The following DRD4 variants were observed in gnomAD, a reference collection of about 807,000 sequenced individuals.
The protein encoded by DRD4 is D(4) dopamine receptor.
In DRD4, 26 loss-of-function variants were observed where a neutral mutation model predicts 22.1. The ratio of observed to expected loss-of-function variants is 1.17; its 90% confidence interval spans 0.86 to 1.63. DRD4 has a LOEUF of 1.63. DRD4 is among the 40% of genes most tolerant of loss of function. The pLI is 0.00. For synonymous variants in DRD4, 455 were observed against 306.7 expected, an observed-to-expected ratio of 1.48 and a Z score of -5.05; for missense variants, 913 against 632.4, an observed-to-expected ratio of 1.44 and a Z score of -4.76.
At position 637,280 on chromosome 11, in the gene DRD4, T is replaced by G; in HGVS notation, c.-25T>G. 2 of 1,176,090 alleles carry G rather than the reference T, an allele frequency of 1.7e-6. No homozygotes were observed. Among genetic ancestry groups the G allele is most frequent in the Non-Finnish European group, 1.0e-6 (1 of 953,394 alleles). 72.9% of individuals were successfully genotyped at this position (1,176,090 alleles called of 1,614,324 possible). The stretch of plus-strand genomic sequence containing the variant: ...GCTTGCGACCCGGCGTTGTCCGCGG[T>G]GCTCAGCGCCCGCCCGGGCGCGCCA... On this transcript the variant is annotated 5_prime_UTR_variant, in exon 1 of 4. Coordinates refer to ENST00000176183, the MANE Select transcript of DRD4 (RefSeq NM_000797.4).
At chr11:638,716 C>T (rs1337587319) in intron 1 of DRD4, among the ~76,000 whole-genome samples, 1 of 152,102 alleles carries the variant, frequency 6.6e-6, no homozygotes, top group African/African-American at 2.4e-5. Context: ...CTGCCTACCC[C>T]AGGCTGGGGA....
rs559464313 is a variant in DRD4 at position 638,633 on chromosome 11, A to G, written c.286-800A>G. On this transcript the variant is annotated intron_variant, in intron 1 of 3. Coordinates refer to ENST00000176183, the MANE Select transcript of DRD4 (RefSeq NM_000797.4). ...ACAGATGAAGAAACAGAAATGAATT[A>G]ACGTGCCCGAGTCTCCCACAGAGAA... is the stretch of plus-strand genomic sequence containing the variant. Among the ~76,000 whole-genome samples the G allele has an allele frequency of 2.5e-3, 379 of 152,284 alleles. 1 individual carries two copies. Among genetic ancestry groups the G allele is most frequent in the Non-Finnish European group, 4.3e-3 (290 of 68,016 alleles).
At chr11:638,781 C>G (rs998430561) in intron 1 of DRD4, among the ~76,000 whole-genome samples, 3 of 152,156 alleles carry the variant, frequency 2.0e-5, no homozygotes, top group African/African-American at 7.2e-5. Context: ...ATTCCCCAGG[C>G]CGTTCTCATG....
In DRD4 at chr11:640,096, C is replaced by G; in HGVS notation, c.847C>G (p.Pro283Ala). 9.0e-7 allele frequency: 1 copy of G among 1,111,232 alleles called. No homozygotes were observed. The highest frequency in any genetic ancestry group is 3.2e-4 in the Middle Eastern group (1 of 3,120). The allele number at this position is 1,111,232 out of a possible 1,614,324, so 68.8% of individuals were successfully genotyped here. ...PCGPDCAPAA[P>A]SLPQDPCGPD... ...CGGCCCCGACTGTGCGCCCGCCGCGCCCAGCCTCCCCCAGGACCCCTGCGG... is the reference window on the plus strand; with the variant it reads ...CGGCCCCGACTGTGCGCCCGCCGCGGCCAGCCTCCCCCAGGACCCCTGCGG... The change falls in exon 3 of 4, where the codon CCC becomes GCC. Residue 283 changes from proline to alanine, a missense_variant. Physicochemically the swap from Pro to Ala is conservative, Grantham distance 27. Coordinates refer to ENST00000176183, the MANE Select transcript of DRD4 (RefSeq NM_000797.4).
At chr11:637,973 CT>C (rs1263404062) in intron 1 of DRD4, among the ~76,000 whole-genome samples, 12 of 106,750 alleles carry the variant, frequency 1.1e-4, no homozygotes, top group African/African-American at 4.3e-4. Flanking sequence ...GCTCAGCCCC[CT>C]GGCTGCCGTG....
rs778863894 is a variant in DRD4, at chr11:639,503, G to A, written c.356G>A (p.Cys119Tyr). ...DALMAMDVML[C>Y]TASIFNLCAI... ...CTCATGGCCATGGACGTCATGCTGTGCACCGCCTCCATCTTCAACCTGTGC... is the reference window on the plus strand; with the variant it reads ...CTCATGGCCATGGACGTCATGCTGTACACCGCCTCCATCTTCAACCTGTGC... Residue 119 changes from cysteine (C) to tyrosine (Y), a missense_variant, in exon 2 of 4, where the codon TGC becomes TAC. Transcript: ENST00000176183. 3 of 1,603,186 alleles carry A rather than the reference G, an allele frequency of 1.9e-6. No homozygotes were observed. Among genetic ancestry groups the A allele is most frequent in the Admixed American group, 1.7e-5 (1 of 59,892 alleles).
chr11:639,756 C>A lies in DRD4; in HGVS notation c.507C>A (p.Pro169=). ...TGCTGTCCGCGGCGGTGGCGGCGCCCGTACTGTGCGGCCTCAACGACGTGC... is the reference window on the plus strand; with the variant it reads ...TGCTGTCCGCGGCGGTGGCGGCGCCAGTACTGTGCGGCCTCAACGACGTGC... The part of the protein sequence containing the change: ...TWLLSAAVAA[P]VLCGLNDVRG... The change falls in exon 3 of 4, where the codon CCC becomes CCA. Residue 169 remains proline, a synonymous_variant. Coordinates refer to ENST00000176183, the MANE Select transcript of DRD4 (RefSeq NM_000797.4). The A allele has an allele frequency of 6.4e-7, 1 of 1,561,228 alleles. No individual in the cohort carries two copies. The highest frequency in any genetic ancestry group is 8.6e-7 in the Non-Finnish European group (1 of 1,163,528).
At chr11:639,609 C>T (rs750208556) in intron 2 of DRD4, 39 bp from the exon 3 acceptor site, 26 of 1,368,868 alleles carry the variant, frequency 1.9e-5, no homozygotes, top group Middle Eastern at 2.3e-4. Context: ...CTCACCGCGG[C>T]CTGTGCGCTG....
In DRD4 at chr11:639,639, T is replaced by C. The variant is rs2133251092; in HGVS notation, c.399-9T>C. 1 of 1,426,392 alleles carries C rather than the reference T, an allele frequency of 7.0e-7. No individual in the cohort carries two copies. The highest frequency in any genetic ancestry group is 9.2e-7 in the Non-Finnish European group (1 of 1,090,466). The allele number at this position is 1,426,392 out of a possible 1,614,324, so 88.4% of individuals were successfully genotyped here. On this transcript the variant is annotated splice_polypyrimidine_tract_variant and intron_variant, in intron 2 of 3. Coordinates refer to ENST00000176183, the MANE Select transcript of DRD4 (RefSeq NM_000797.4). ...GCGCTGTCCGGCGCCCCCTCGGCGCTCCCCGCAGGTTCGTGGCCGTGGCCG... is the reference window on the plus strand; with the variant it reads ...GCGCTGTCCGGCGCCCCCTCGGCGCCCCCCGCAGGTTCGTGGCCGTGGCCG...
Position 640,390 on chromosome 11 carries a change from G to C in DRD4, c.1058-11G>C. On this transcript the variant is annotated splice_polypyrimidine_tract_variant and intron_variant, in intron 3 of 3. Transcript: ENST00000176183. ...GGCGGGGGGCGCTAACGCGGCTCTC[G>C]GCGCCCCCAGGGGCCTTCCTGCTGT... 1 of 1,596,788 alleles carries C rather than the reference G, an allele frequency of 6.3e-7. No individual in the cohort carries two copies. Among genetic ancestry groups the C allele is most frequent in the Non-Finnish European group, 8.5e-7 (1 of 1,178,692 alleles).
chr11:640,026 C>T lies in DRD4; in HGVS notation c.777C>T (p.Gly259=), dbSNP rs1395633870. 7 of 1,208,328 alleles carry T rather than the reference C, an allele frequency of 5.8e-6. No individual in the cohort carries two copies. Among genetic ancestry groups the T allele is most frequent in the East Asian group, 3.8e-5 (1 of 26,082 alleles). 74.9% of individuals were successfully genotyped at this position (1,208,328 alleles called of 1,614,324 possible). A position where few individuals can be genotyped will look rare whatever the true frequency, so the allele number is the denominator to read the frequency against. Residue 259 remains glycine, a synonymous_variant, in exon 3 of 4, where the codon GGC becomes GGT. Transcript: ENST00000176183. ...CCCGCCTCCCCCAGGACCCCTGCGG[C>T]CCCGACTGTGCGCCCCCCGCGCCCG... is the stretch of plus-strand genomic sequence containing the variant. ...PAPRLPQDPC[G]PDCAPPAPGL... is the part of the protein sequence containing the mutation.
In DRD4 at chr11:639,696, C is replaced by T; in HGVS notation, c.447C>T (p.Ser149=). ...VPLRYNRQGG[S]RRQLLLIGAT... is the part of the protein sequence containing the mutation. ...TGCGCTACAACCGGCAGGGTGGGAG[C>T]CGCCGGCAGCTGCTGCTCATCGGCG... The change falls in exon 3 of 4, where the codon AGC becomes AGT. Residue 149 remains serine (S), a synonymous_variant. Transcript: ENST00000176183. The T allele has an allele frequency of 6.8e-7, 1 of 1,480,762 alleles. No individual in the cohort carries two copies. The highest frequency in any genetic ancestry group is 2.8e-5 in the East Asian group (1 of 35,178). The allele number at this position is 1,480,762 out of a possible 1,614,324, so 91.7% of individuals were successfully genotyped here.
At chr11:638,157 G>A (rs989173842) in intron 1 of DRD4, among the ~76,000 whole-genome samples, 2 of 152,182 alleles carry the variant, frequency 1.3e-5, no homozygotes, top group African/African-American at 2.4e-5. Context: ...ACCCTGGGGG[G>A]AAGCCTGAGG....
chr11:639,434 T>A lies in DRD4; in HGVS notation c.287T>A (p.Val96Asp). ...AGGGCCTGTGGTGTCGCCGCGCAGG[T>A]CCAGGGTGGCGCGTGGCTGCTGAGC... ...LVLPLFVYSEVQGGAWLLSPR... is the reference protein window; with the variant it reads ...LVLPLFVYSEDQGGAWLLSPR... The change falls in exon 2 of 4, where the codon GTC becomes GAC. Residue 96 changes from valine to aspartate, a missense_variant and splice_region_variant. Physicochemically the swap from Val to Asp is radical, Grantham distance 152. Coordinates refer to ENST00000176183, the MANE Select transcript of DRD4 (RefSeq NM_000797.4). The A allele has an allele frequency of 6.3e-7, 1 of 1,589,690 alleles. No homozygotes were observed. Among genetic ancestry groups the A allele is most frequent in the Non-Finnish European group, 8.5e-7 (1 of 1,175,262 alleles).
At position 639,770 on chromosome 11, in the gene DRD4, TCAA is replaced by T; in HGVS notation, c.523_525del (p.Asn175del). On this transcript the variant is annotated inframe_deletion, in exon 3 of 4. Transcript: ENST00000176183. The stretch of plus-strand genomic sequence containing the variant: ...GTGGCGGCGCCCGTACTGTGCGGCC[TCAA>T]CGACGTGCGCGGCCGCGACCCCGCC... 2 of 1,575,934 alleles carry T rather than the reference TCAA, an allele frequency of 1.3e-6. No individual in the cohort carries two copies. Among genetic ancestry groups the T allele is most frequent in the South Asian group, 1.1e-5 (1 of 88,716 alleles).
At chr11:639,083 CA>C (rs138188226) in intron 1 of DRD4, 54,146 of 294,990 alleles carry the variant, frequency 0.18, 5,890 homozygotes, top group Middle Eastern at 0.28. Flanking sequence ...AACTCCGTCT[CA>C]AAAAACAAAA....
In DRD4 at chr11:639,437, A is replaced by G. The variant is rs1858147765; in HGVS notation, c.290A>G (p.Gln97Arg). 1 of 1,590,940 alleles carries G rather than the reference A, an allele frequency of 6.3e-7. No individual in the cohort carries two copies. Among genetic ancestry groups the G allele is most frequent in the Non-Finnish European group, 8.5e-7 (1 of 1,175,622 alleles). The change falls in exon 2 of 4, where the codon CAG (glutamine) becomes CGG (arginine). Residue 97 changes from glutamine to arginine, a missense_variant. Transcript: ENST00000176183. ...GCCTGTGGTGTCGCCGCGCAGGTCC[A>G]GGGTGGCGCGTGGCTGCTGAGCCCC... is the stretch of plus-strand genomic sequence containing the variant. Reference protein sequence around the residue: ...VLPLFVYSEVQGGAWLLSPRL... With the variant: ...VLPLFVYSEVRGGAWLLSPRL...
Position 639,555 on chromosome 11 carries a change from C to T in DRD4, c.398+10C>T, listed in dbSNP as rs758523437. ...CCATCAGCGTGGACAGGTGCGCCGC[C>T]CTCCCCGCCCGCGCCCCGGCGCCCC... On this transcript the variant is annotated intron_variant, in intron 2 of 3. Coordinates refer to ENST00000176183, the MANE Select transcript of DRD4 (RefSeq NM_000797.4). The T allele has an allele frequency of 1.4e-6, 2 of 1,466,914 alleles. No individual in the cohort carries two copies. Among genetic ancestry groups the T allele is most frequent in the Non-Finnish European group, 1.8e-6 (2 of 1,111,228 alleles). 90.9% of individuals were successfully genotyped at this position (1,466,914 alleles called of 1,614,324 possible).
Position 637,317 on chromosome 11 carries a change from A to G in DRD4, c.13A>G (p.Ser5Gly), listed in dbSNP as rs1404914278. MGNR[S>G]TADADGLLAG... Reference sequence around the variant, plus strand: ...GCCCGGGCGCGCCATGGGGAACCGCAGCACCGCGGACGCGGACGGGCTGCT... The same window carrying G: ...GCCCGGGCGCGCCATGGGGAACCGCGGCACCGCGGACGCGGACGGGCTGCT... The change falls in exon 1 of 4, where the codon AGC becomes GGC. Residue 5 changes from serine (S) to glycine (G), a missense_variant. Coordinates refer to ENST00000176183, the MANE Select transcript of DRD4 (RefSeq NM_000797.4). The G allele has an allele frequency of 4.0e-6, 5 of 1,244,710 alleles. No homozygotes were observed. Among genetic ancestry groups the G allele is most frequent in the Non-Finnish European group, 5.0e-6 (5 of 998,084 alleles). The allele number at this position is 1,244,710 out of a possible 1,614,324, so 77.1% of individuals were successfully genotyped here.
Sources: allele counts gnomAD v4.1 joint callset (sites outside exome capture counted in the v4.1 genomes callset), GRCh38; gene constraint gnomAD v4.1.1; transcripts MANE v1.5; gene names NCBI Gene and HGNC (gene_info 2026-07-23, HGNC 2026-07-21).